SLC22A24: variants seen among roughly 807,000 people sequenced by gnomAD.
SLC22A24 encodes steroid transmembrane transporter SLC22A24.
Under a neutral mutation model 49.8 loss-of-function variants are expected in SLC22A24, and 53 were observed. That is an observed-to-expected ratio of 1.06 (90% CI 0.85 to 1.34). The LOEUF (loss-of-function observed/expected upper bound fraction) is 1.34, where lower values mean the gene tolerates loss of function less well. Among genes scored for constraint, SLC22A24 ranks in the 40% most tolerant of loss-of-function variants. The probability of loss-of-function intolerance (pLI) is 0.00; values close to 1 mark genes in which losing one functional copy is unlikely to be tolerated. For synonymous variants in SLC22A24, 302 were observed against 256.4 expected, an observed-to-expected ratio of 1.18 and a Z score of -1.70; for missense variants, 786 against 675.9, an observed-to-expected ratio of 1.16 and a Z score of -1.81.
intron 6 of SLC22A24, among the ~76,000 whole-genome samples, chr11:63,088,145 C>A (rs569052575): frequency 6.6e-6 from 1 of 152,198 alleles, no homozygotes; most frequent in African/African-American, 2.4e-5. Context: ...AACCTCCCAA[C>A]GGGGTCAACA....
chr11:63,123,619 CT>C (rs2087267490), intron 2 of SLC22A24, among the ~76,000 whole-genome samples: 1 of 152,150 alleles, frequency 6.6e-6, no homozygotes, highest in Admixed American at 6.6e-5. Context: ...GATTTACTTT[CT>C]TTCTAGTCTT....
At chr11:63,124,723 C>T (rs530978639) in intron 2 of SLC22A24, among the ~76,000 whole-genome samples, 2 of 152,212 alleles carry the variant, frequency 1.3e-5, no homozygotes, top group Middle Eastern at 3.4e-3. Flanking sequence ...CCTTATTAAA[C>T]ATTTCAAATT....
In SLC22A24 at chr11:63,143,550, A is replaced by T. The variant is rs752661840; in HGVS notation, c.230T>A (p.Ile77Asn). The stretch of plus-strand genomic sequence containing the variant: ...TGGCCTCAGGTTTGAGTCCAGTGGG[A>T]TGGAGATTCTCAGGAGGTCATCCTT... ...LSKDDLLRIS[I>N]PLDSNLRPQK... is the part of the protein sequence containing the mutation. Residue 77 changes from isoleucine (I) to asparagine (N), a missense_variant, in exon 1 of 10, where the codon ATC (isoleucine) becomes AAC (asparagine). Physicochemically the swap from Ile to Asn is moderately radical, Grantham distance 149. Transcript: ENST00000612278. The T allele has an allele frequency of 6.3e-7, 1 of 1,583,650 alleles. No individual in the cohort carries two copies. Among genetic ancestry groups the T allele is most frequent in the Non-Finnish European group, 8.6e-7 (1 of 1,166,686 alleles).
At chr11:63,128,714 G>T (rs369006465) in intron 2 of SLC22A24, among the ~76,000 whole-genome samples, 4 of 151,012 alleles carry the variant, frequency 2.6e-5, no homozygotes, top group Admixed American at 6.7e-5. Flanking sequence ...AAGGGCCCCC[G>T]TCCAGTGGAC....
chr11:63,143,692 G>C lies in SLC22A24; in HGVS notation c.88C>G (p.Leu30Val). Residue 30 changes from leucine (L) to valine (V), a missense_variant, in exon 1 of 10, where the codon CTA becomes GTA. Coordinates refer to ENST00000612278, the MANE Select transcript of SLC22A24 (RefSeq NM_001136506.2). ...TCCAACACAATATTAGGGAACAGTA[G>C]GATGTTGGTGATGCAAAAGAAAGCT... ...LIAFFCITNI[L>V]LFPNIVLENF... is the part of the protein sequence containing the mutation. The C allele has an allele frequency of 6.4e-7, 1 of 1,574,282 alleles. No homozygotes were observed. Among genetic ancestry groups the C allele is most frequent in the Non-Finnish European group, 8.6e-7 (1 of 1,161,908 alleles).
intron 2 of SLC22A24, among the ~76,000 whole-genome samples, chr11:63,128,360 C>T (rs866909053): frequency 1.3e-5 from 2 of 152,008 alleles, no homozygotes; most frequent in Non-Finnish European, 2.9e-5. Flanking sequence ...CTAGTCGTAG[C>T]GTCAGTGCCT....
At chr11:63,126,282 A>G (rs2087290285) in intron 2 of SLC22A24, among the ~76,000 whole-genome samples, 1 of 152,110 alleles carries the variant, frequency 6.6e-6, no homozygotes, top group South Asian at 2.1e-4. Context: ...TAGGATTTTT[A>G]TGGTTTTAGG....
intron 4 of SLC22A24, among the ~76,000 whole-genome samples, chr11:63,114,812 G>A (rs1194030167): frequency 6.6e-6 from 1 of 152,186 alleles, no homozygotes; most frequent in Admixed American, 6.6e-5. Flanking sequence ...TAACAGCCAG[G>A]TCCCTCAGCT....
intron 2 of SLC22A24, among the ~76,000 whole-genome samples, chr11:63,131,792 G>A (rs2087337921): frequency 6.6e-6 from 1 of 152,056 alleles, no homozygotes; most frequent in Non-Finnish European, 1.5e-5. Context: ...TCTTTGTAGT[G>A]TTCTCTGTAT....
At position 63,113,229 on chromosome 11, in the gene SLC22A24, CATAT is replaced by C. The variant is rs200830515; in HGVS notation, c.830+5679_830+5682del. Among the ~76,000 whole-genome samples, 9 of 12,520 alleles carry C rather than the reference CATAT, an allele frequency of 7.2e-4. 1 individual carries two copies. Among genetic ancestry groups the C allele is most frequent in the Middle Eastern group, 0.028 (1 of 36 alleles). 8.2% of individuals were successfully genotyped at this position (12,520 alleles called of 152,430 possible). ...ATATATATACACATATATATATATACATATATATATATATACACACATACACACA... is the reference window on the plus strand; with the variant it reads ...ATATATATACACATATATATATATACATATATATATACACACATACACACA... On this transcript the variant is annotated intron_variant, in intron 4 of 9. Coordinates refer to ENST00000612278, the MANE Select transcript of SLC22A24 (RefSeq NM_001136506.2).
At position 63,119,094 on chromosome 11, in the gene SLC22A24, T is replaced by C. The variant is rs1158690273; in HGVS notation, c.662-14A>G. ...TCCACTCTAAGCCTGGAAGAAAACA[T>C]ATACATAGTAATAATTTTAGACAAA... is the stretch of plus-strand genomic sequence containing the variant. On this transcript the variant is annotated splice_polypyrimidine_tract_variant and intron_variant, in intron 3 of 9. Transcript: ENST00000612278. 67 of 1,537,300 alleles carry C rather than the reference T, an allele frequency of 4.4e-5. No individual in the cohort carries two copies. The highest frequency in any genetic ancestry group is 5.6e-5 in the Non-Finnish European group (64 of 1,139,132).
chr11:63,127,436 C>A (rs1283434942), intron 2 of SLC22A24, among the ~76,000 whole-genome samples: 1 of 152,172 alleles, frequency 6.6e-6, no homozygotes, highest in Non-Finnish European at 1.5e-5. Flanking sequence ...CCACAATAAA[C>A]ATACGTGTGC....
intron 7 of SLC22A24, among the ~76,000 whole-genome samples, chr11:63,082,129 CAGTTTAGAGCTA>C (rs572322486): frequency 1.3e-5 from 2 of 152,152 alleles, no homozygotes; most frequent in East Asian, 3.9e-4. Flanking sequence ...ATGTCTTGAG[CAGTTTAGAGCTA>C]AGAATGTGGG....
chr11:63,106,365 C>T (rs2134653575), intron 4 of SLC22A24, among the ~76,000 whole-genome samples: 1 of 152,228 alleles, frequency 6.6e-6, no homozygotes. Flanking sequence ...CAAGTCTTTG[C>T]TATTGTGGAG....
chr11:63,094,562 T>C (rs1324700528), intron 6 of SLC22A24, among the ~76,000 whole-genome samples: 1 of 151,482 alleles, frequency 6.6e-6, no homozygotes, highest in African/African-American at 2.4e-5. Context: ...CCACACTGAC[T>C]TCCACAATGG....
chr11:63,139,281 C>T (rs113018881), intron 1 of SLC22A24, among the ~76,000 whole-genome samples: 5,948 of 152,148 alleles, frequency 0.039, 166 homozygotes, highest in Non-Finnish European at 0.063. Flanking sequence ...CCACAGACAC[C>T]GTTTCGGAAG....
At chr11:63,119,463 G>T in intron 2 of SLC22A24, 128 bp from the exon 3 acceptor site, 1 of 893,250 alleles carries the variant, frequency 1.1e-6, no homozygotes, top group Non-Finnish European at 1.7e-6. Context: ...TTGACACCGG[G>T]TGGCATAATT....
chr11:63,081,846 G>A (rs1239230102), intron 7 of SLC22A24, among the ~76,000 whole-genome samples, 180 bp from the exon 8 acceptor site: 1 of 152,184 alleles, frequency 6.6e-6, no homozygotes, highest in Admixed American at 6.6e-5. Context: ...TAAAATGGTA[G>A]GGCTTAAACA....
At chr11:63,122,283 G>T (rs552238926) in intron 2 of SLC22A24, among the ~76,000 whole-genome samples, 34 of 152,252 alleles carry the variant, frequency 2.2e-4, no homozygotes, top group Middle Eastern at 3.4e-3. Flanking sequence ...CTCTTTCATA[G>T]AAATTAAAGA....
Sources: allele counts gnomAD v4.1 joint callset (sites outside exome capture counted in the v4.1 genomes callset), GRCh38; gene constraint gnomAD v4.1.1; transcripts MANE v1.5; gene names NCBI Gene and HGNC (gene_info 2026-07-23, HGNC 2026-07-21).